Variants in COG5 observed in about 807,000 individuals in gnomAD.
The protein encoded by COG5 is component of oligomeric golgi complex 5.
A neutral mutation model predicts 110.4 loss-of-function variants in COG5; 86 were observed. The observed-to-expected ratio is 0.78, with a 90% confidence interval of 0.65 to 0.93. The LOEUF (loss-of-function observed/expected upper bound fraction) is 0.93. Ranked by LOEUF, COG5 falls within the 40% of genes least tolerant of loss-of-function variation. The pLI is 0.00. For synonymous variants in COG5, 360 were observed against 334.6 expected (o/e 1.08, Z -0.83); for missense variants, 1,077 against 987.0 (o/e 1.09, Z -1.22).
chr7:107,392,338 T>C (rs942947679), intron 7 of COG5, among the ~76,000 whole-genome samples: 1 of 152,186 alleles, frequency 6.6e-6, no homozygotes, highest in Non-Finnish European at 1.5e-5. Context: ...GTTTTACATA[T>C]ATGATGTCTA....
rs536272212 is a variant in COG5 at position 107,206,183 on chromosome 7, G to T, written c.2376-2553C>A. On this transcript the variant is annotated intron_variant, in intron 21 of 21. Transcript: ENST00000297135. ...TCACCGTGTTGGCCAGGATGGTCTC[G>T]ATCTCTTGACCTCGTGATCCGCCCA... is the stretch of plus-strand genomic sequence containing the variant. 6.6e-5 allele frequency among the ~76,000 whole-genome samples: 10 copies of T among 152,162 alleles called. No individual in the cohort carries two copies. The South Asian group carries it at 2.1e-3, about 31-fold the overall frequency.
intron 21 of COG5, among the ~76,000 whole-genome samples, chr7:107,206,127 A>AT (rs1270279388): frequency 5.3e-5 from 8 of 151,846 alleles, no homozygotes; most frequent in African/African-American, 1.2e-4. Context: ...CACCCGGCTA[A>AT]TTTTTTTGTA....
chr7:107,563,854 C>T lies in COG5; in HGVS notation c.43G>A (p.Ala15Thr), dbSNP rs142899344. 5 of 1,613,596 alleles carry T rather than the reference C, an allele frequency of 3.1e-6. No individual in the cohort carries two copies. Among genetic ancestry groups the T allele is most frequent in the South Asian group, 2.2e-5 (2 of 91,086 alleles). The change falls in exon 1 of 22, where the codon GCT becomes ACT. Residue 15 changes from alanine to threonine, a missense_variant. By Grantham distance (58) the Ala-to-Thr change is moderately conservative (BLOSUM62 0). Coordinates refer to ENST00000297135, the MANE Select transcript of COG5 (RefSeq NM_006348.5). ...GGSVAVAGLG[A>T]RGSGAAAATV... ...GCTGCAGCCGCTCCAGAGCCTCGAG[C>T]TCCGAGGCCAGCTACAGCGACGCTG...
At chr7:107,385,030 T>C (rs1320277114) in intron 7 of COG5, among the ~76,000 whole-genome samples, 1 of 152,202 alleles carries the variant, frequency 6.6e-6, no homozygotes, top group Admixed American at 6.5e-5. Flanking sequence ...GACAGCATCT[T>C]TGCACATGTA....
chr7:107,272,663 A>C (rs1335153734), intron 14 of COG5, among the ~76,000 whole-genome samples: 1 of 152,172 alleles, frequency 6.6e-6, no homozygotes, highest in African/African-American at 2.4e-5. Flanking sequence ...AGATCCCCTA[A>C]ACCCATTCCC....
At chr7:107,293,770 TA>T (rs1168149626) in intron 12 of COG5, among the ~76,000 whole-genome samples, 1 of 151,980 alleles carries the variant, frequency 6.6e-6, no homozygotes, top group Non-Finnish European at 1.5e-5. Context: ...TTCCACGATT[TA>T]AAAAAATGTA....
intron 6 of COG5, among the ~76,000 whole-genome samples, chr7:107,492,314 C>CA (rs1798023363): frequency 6.6e-6 from 1 of 152,012 alleles, no homozygotes; most frequent in African/African-American, 2.4e-5. Context: ...TGACGTGGTA[C>CA]AAATGCTGCA....
At chr7:107,398,134 A>C (rs942526076) in intron 7 of COG5, among the ~76,000 whole-genome samples, 3 of 152,228 alleles carry the variant, frequency 2.0e-5, no homozygotes, top group Non-Finnish European at 4.4e-5. Context: ...ACTTTATCAA[A>C]ACAAAAAATT....
intron 19 of COG5, among the ~76,000 whole-genome samples, chr7:107,223,913 G>C (rs1209851743): frequency 6.6e-6 from 1 of 151,992 alleles, no homozygotes; most frequent in East Asian, 1.9e-4. Context: ...GCACAGGCTT[G>C]GTATAAAATA....
intron 6 of COG5, among the ~76,000 whole-genome samples, chr7:107,452,747 G>C (rs1046108521): frequency 6.6e-6 from 1 of 152,076 alleles, no homozygotes; most frequent in Non-Finnish European, 1.5e-5. Flanking sequence ...TATCAACAGT[G>C]TGAAAACGGA....
At chr7:107,295,541 T>C (rs564030198) in intron 12 of COG5, among the ~76,000 whole-genome samples, 22 of 152,236 alleles carry the variant, frequency 1.4e-4, no homozygotes, top group African/African-American at 5.1e-4. Context: ...TTTTCTCTTT[T>C]CTTTCTTACA....
intron 18 of COG5, among the ~76,000 whole-genome samples, chr7:107,236,026 A>G (rs1161680040): frequency 6.6e-6 from 1 of 152,218 alleles, no homozygotes; most frequent in Non-Finnish European, 1.5e-5. Flanking sequence ...ATTTAAAGGA[A>G]TGGGAACACT....
chr7:107,227,122 C>T (rs1330999118), intron 19 of COG5, among the ~76,000 whole-genome samples: 2 of 152,072 alleles, frequency 1.3e-5, no homozygotes, highest in Non-Finnish European at 2.9e-5. Context: ...TTAAGGGCCT[C>T]GTGAGAAATC....
intron 18 of COG5, among the ~76,000 whole-genome samples, chr7:107,235,120 C>T (rs745774734): frequency 1.3e-5 from 2 of 152,178 alleles, no homozygotes; most frequent in Non-Finnish European, 2.9e-5. Flanking sequence ...AGTCAATTTG[C>T]AATGAAACAG....
At position 107,249,218 on chromosome 7, in the gene COG5, C is replaced by T. The variant is rs543983883; in HGVS notation, c.1750-719G>A. ...TTCTCAACTGTGGGCAGTTTTGTTC[C>T]CCAGGAAACATTTGGTATTGCTTAA... On this transcript the variant is annotated intron_variant, in intron 16 of 21. Coordinates refer to ENST00000297135, the MANE Select transcript of COG5 (RefSeq NM_006348.5). Among the ~76,000 whole-genome samples, 3 of 151,986 alleles carry T rather than the reference C, an allele frequency of 2.0e-5. No homozygotes were observed. The South Asian group carries it at 6.2e-4, about 32-fold the overall frequency.
chr7:107,353,799 C>G (rs962049742), intron 10 of COG5, among the ~76,000 whole-genome samples: 5 of 151,874 alleles, frequency 3.3e-5, no homozygotes, highest in African/African-American at 1.2e-4. Flanking sequence ...ATCCTTTATA[C>G]CATTATAGCC....
chr7:107,490,332 T>C (rs1459902140), intron 6 of COG5, among the ~76,000 whole-genome samples: 4 of 152,164 alleles, frequency 2.6e-5, no homozygotes, highest in Admixed American at 2.6e-4. Flanking sequence ...GTCTTGCCAG[T>C]GTCCATCTTT....
At chr7:107,518,329 GGGC>G (rs1457200702) in intron 6 of COG5, among the ~76,000 whole-genome samples, 15 of 152,096 alleles carry the variant, frequency 9.9e-5, no homozygotes, top group Non-Finnish European at 1.9e-4. Flanking sequence ...AAATGTAAAT[GGGC>G]TAAATGTCCC....
At chr7:107,247,454 TA>T (rs1802140838) in intron 17 of COG5, among the ~76,000 whole-genome samples, 2 of 152,200 alleles carry the variant, frequency 1.3e-5, no homozygotes, top group Admixed American at 1.3e-4. Context: ...TATTTTTCTA[TA>T]AATAGCTAAA....
Sources: allele counts gnomAD v4.1 joint callset (sites outside exome capture counted in the v4.1 genomes callset), GRCh38; gene constraint gnomAD v4.1.1; transcripts MANE v1.5; gene names NCBI Gene and HGNC (gene_info 2026-07-23, HGNC 2026-07-21).